PAGE2B: variants seen among roughly 807,000 people sequenced by gnomAD.
The protein encoded by PAGE2B is putative G antigen family E member 3.
A neutral mutation model predicts 7.6 loss-of-function variants in PAGE2B; 5 were observed. The ratio of observed to expected loss-of-function variants is 0.66; its 90% CI spans 0.34 to 1.38. The LOEUF (loss-of-function observed/expected upper bound fraction) is 1.38. Ranked by LOEUF, PAGE2B falls within the 40% of genes most tolerant of loss-of-function variation. The pLI, the probability that PAGE2B is intolerant of heterozygous loss-of-function variation, is 0.04. For missense variants in PAGE2B, 70 were observed against 78.4 expected, an observed-to-expected ratio of 0.89 and a Z score of 0.41; for synonymous variants, 29 against 26.7, an observed-to-expected ratio of 1.09 and a Z score of -0.27.
the PAGE2B span, among the ~76,000 whole-genome samples, chrX:55,058,802 C>T: frequency 5.4e-5 from 6 of 110,964 alleles, no homozygotes; most frequent in Non-Finnish European, 1.1e-4. Context: ...TTTCTGCCTC[C>T]CTTATGTAGT....
At chrX:55,077,619 A>G in intron 4 of PAGE2B, 95 bp downstream of exon 4, 2 of 1,178,362 alleles carry the variant, frequency 1.7e-6, no homozygotes, top group Non-Finnish European at 2.3e-6. Flanking sequence ...TTAATATCAT[A>G]CTTCACGTCT....
the PAGE2B span, among the ~76,000 whole-genome samples, chrX:55,042,461 T>C: frequency 3.5e-4 from 38 of 108,423 alleles, no homozygotes; most frequent in African/African-American, 1.1e-3. Context: ...GAGACCATCC[T>C]GGCTAAAGCG....
At chrX:55,050,760 C>A in the PAGE2B span, among the ~76,000 whole-genome samples, 1 of 111,615 alleles carries the variant, frequency 9.0e-6, no homozygotes, top group African/African-American at 3.3e-5. Context: ...GGCTCTTTAT[C>A]CAGTTTGCCA....
chrX:55,034,393 C>A, the PAGE2B span, among the ~76,000 whole-genome samples: 2 of 111,591 alleles, frequency 1.8e-5, no homozygotes, highest in South Asian at 7.5e-4. Flanking sequence ...CCAATGGTTT[C>A]CATGATAATT....
At chrX:55,072,257 G>A (rs1192955310), upstream of PAGE2B, among the ~76,000 whole-genome samples, 1 of 112,251 alleles carries the variant, frequency 8.9e-6, no homozygotes, top group East Asian at 2.8e-4. Context: ...TGTGGTTTCC[G>A]TCTGGGGGTC....
At chrX:55,029,882 G>A in the PAGE2B span, among the ~76,000 whole-genome samples, 1 of 111,096 alleles carries the variant, frequency 9.0e-6, no homozygotes, top group East Asian at 2.8e-4. Context: ...TCCCAGAGGT[G>A]AAAAGGGCCA....
At chrX:55,073,396 A>T (rs1299341134), upstream of PAGE2B, among the ~76,000 whole-genome samples, 1 of 110,587 alleles carries the variant, frequency 9.0e-6, no homozygotes, top group Non-Finnish European at 1.9e-5. Context: ...CCACTGCCTA[A>T]CCAGTCCCAA....
chrX:55,034,734 G>GACAC, the PAGE2B span, among the ~76,000 whole-genome samples: 21 of 104,854 alleles, frequency 2.0e-4, no homozygotes, highest in African/African-American at 7.0e-4. Context: ...ACTAATAGGA[G>GACAC]ACACACACAC....
chrX:55,053,084 A>C, the PAGE2B span, among the ~76,000 whole-genome samples: 1 of 112,386 alleles, frequency 8.9e-6, no homozygotes, highest in Non-Finnish European at 1.9e-5. Context: ...ATGTTCTTTA[A>C]AATCTCTGTT....
At chrX:55,052,511 G>T in the PAGE2B span, among the ~76,000 whole-genome samples, 1 of 112,375 alleles carries the variant, frequency 8.9e-6, no homozygotes, top group Non-Finnish European at 1.9e-5. Context: ...GGCAATGGCA[G>T]GCACCCCTCC....
chrX:55,048,869 T>TC, the PAGE2B span, among the ~76,000 whole-genome samples: 1 of 111,807 alleles, frequency 8.9e-6, no homozygotes, highest in African/African-American at 3.3e-5. Flanking sequence ...AGAGAGGGCA[T>TC]CCCTGTCTTG....
At chrX:55,041,174 C>T in the PAGE2B span, among the ~76,000 whole-genome samples, 2 of 103,862 alleles carry the variant, frequency 1.9e-5, no homozygotes, top group South Asian at 4.6e-4. Context: ...CTCCACCTCC[C>T]GGGTTCATGC....
At chrX:55,048,285 C>T in the PAGE2B span, among the ~76,000 whole-genome samples, 3 of 111,572 alleles carry the variant, frequency 2.7e-5, no homozygotes, top group South Asian at 3.7e-4. Flanking sequence ...CTTGGTGATG[C>T]GGGCTCTTTT....
the PAGE2B span, among the ~76,000 whole-genome samples, chrX:55,064,470 C>G: frequency 9.0e-6 from 1 of 110,690 alleles, no homozygotes; most frequent in South Asian, 3.7e-4. Flanking sequence ...AAAGGTTTGT[C>G]CATTTTGTTT....
At chrX:55,061,701 C>T in the PAGE2B span, among the ~76,000 whole-genome samples, 1 of 111,160 alleles carries the variant, frequency 9.0e-6, no homozygotes, top group East Asian at 2.8e-4. Flanking sequence ...TTCTTTCTAA[C>T]TATATTTTTG....
chrX:55,044,471 G>A, the PAGE2B span, among the ~76,000 whole-genome samples: 1 of 111,358 alleles, frequency 9.0e-6, no homozygotes, highest in Non-Finnish European at 1.9e-5. Flanking sequence ...GGTGGATGGG[G>A]TGAGGGATAA....
chrX:55,033,337 G>T, the PAGE2B span, among the ~76,000 whole-genome samples: 23 of 111,612 alleles, frequency 2.1e-4, no homozygotes, highest in Non-Finnish European at 4.1e-4. Flanking sequence ...AGGATACTTA[G>T]GTGGTGCCTC....
At chrX:55,068,174 G>T in the PAGE2B span, among the ~76,000 whole-genome samples, 608 of 112,362 alleles carry the variant, frequency 5.4e-3, 5 homozygotes, top group African/African-American at 0.019. Flanking sequence ...TTCTTCTAGG[G>T]TTTTTATGGT....
At chrX:55,062,372 T>C in the PAGE2B span, among the ~76,000 whole-genome samples, 1 of 112,199 alleles carries the variant, frequency 8.9e-6, no homozygotes, top group African/African-American at 3.2e-5. Context: ...TCTTTTCATA[T>C]ACCTGTTTGC....
Sources: gnomAD v4.1 joint callset for allele counts (sites outside exome capture counted in the v4.1 genomes callset) on GRCh38, gnomAD v4.1.1 for gene constraint, MANE v1.5 for transcripts, NCBI Gene and HGNC (gene_info 2026-07-23, HGNC 2026-07-21) for gene names.